DAB1: variants seen among roughly 807,000 people sequenced by gnomAD.
DAB1 encodes the protein DAB adaptor protein 1.
A neutral mutation model predicts 64.6 loss-of-function variants in DAB1; 15 were observed. The observed-to-expected ratio is 0.23, with a 90% CI of 0.16 to 0.36. The LOEUF (loss-of-function observed/expected upper bound fraction) is 0.36, where lower values mean the gene tolerates loss of function less well. DAB1 is among the 10% of genes least tolerant of loss of function. The pLI is 1.00. For synonymous variants in DAB1, 235 were observed against 251.9 expected (o/e 0.93, Z 0.64); for missense variants, 596 against 706.7 (o/e 0.84, Z 1.78).
At chr1:58,129,077 C>T (rs1328639812) in intron 5 of DAB1, among the ~76,000 whole-genome samples, 1 of 146,364 alleles carries the variant, frequency 6.8e-6, no homozygotes, top group Non-Finnish European at 1.5e-5. Context: ...GCTGTGAATC[C>T]ATCTGGTCCT....
intron 3 of DAB1, among the ~76,000 whole-genome samples, chr1:58,495,971 T>G (rs1048539908): frequency 1.3e-5 from 2 of 152,176 alleles, no homozygotes; most frequent in African/African-American, 4.8e-5. Context: ...ATATCTAAGC[T>G]TGTCATTTCA....
intron 4 of DAB1, among the ~76,000 whole-genome samples, chr1:58,204,274 A>G (rs1278629399): frequency 6.6e-6 from 1 of 152,238 alleles, no homozygotes; most frequent in Non-Finnish European, 1.5e-5. Context: ...AGGTTGGCAC[A>G]AAGAACTGTC....
At chr1:57,526,503 G>T (rs550245061) in intron 7 of DAB1, among the ~76,000 whole-genome samples, 5 of 152,176 alleles carry the variant, frequency 3.3e-5, no homozygotes, top group East Asian at 1.9e-4. Context: ...AATTTATTTC[G>T]ATGTAATTTC....
intron 5 of DAB1, among the ~76,000 whole-genome samples, chr1:57,991,870 G>GGAGTAGGCCA (rs1646347431): frequency 2.7e-5 from 1 of 36,648 alleles, no homozygotes; most frequent in Non-Finnish European, 6.5e-5. Flanking sequence ...AAAAAAAAAA[G>GGAGTAGGCCA]GAGTAGGCCA....
chr1:57,165,146 C>A (rs1661104693), intron 2 of DAB1, among the ~76,000 whole-genome samples: 1 of 152,124 alleles, frequency 6.6e-6, no homozygotes, highest in South Asian at 2.1e-4. Context: ...TTTTGTAGTT[C>A]ATTCCCCAAC....
At chr1:58,164,704 T>C (rs1177225475) in intron 4 of DAB1, among the ~76,000 whole-genome samples, 1 of 152,138 alleles carries the variant, frequency 6.6e-6, no homozygotes, top group Non-Finnish European at 1.5e-5. Flanking sequence ...GGCTGCAGCC[T>C]TAGGCCTGGA....
At chr1:57,387,821 C>CAAAAAAAA (rs55950458) in intron 1 of DAB1, among the ~76,000 whole-genome samples, 16 of 104,276 alleles carry the variant, frequency 1.5e-4, no homozygotes, top group African/African-American at 2.5e-4. Context: ...GACTCAGCCT[C>CAAAAAAAA]AAAAAAAAAA....
At chr1:57,068,368 T>C (rs779964071) in intron 8 of DAB1, among the ~76,000 whole-genome samples, 6 of 152,116 alleles carry the variant, frequency 3.9e-5, no homozygotes, top group Non-Finnish European at 8.8e-5. Context: ...GGAGAGAAAA[T>C]ATTATTCAAC....
chr1:58,180,694 G>T (rs1412126884), intron 4 of DAB1, among the ~76,000 whole-genome samples: 1 of 152,056 alleles, frequency 6.6e-6, no homozygotes, highest in African/African-American at 2.4e-5. Flanking sequence ...TTCTTGTTCA[G>T]TATATTTCCT....
intron 5 of DAB1, among the ~76,000 whole-genome samples, chr1:57,970,424 C>A (rs1455159847): frequency 6.6e-6 from 1 of 152,102 alleles, no homozygotes; most frequent in East Asian, 1.9e-4. Flanking sequence ...GGAATAGCAA[C>A]ATGGAGAAAA....
rs187996687 is a variant in DAB1 at position 57,263,742 on chromosome 1, T to A, written c.67+27222A>T. On this transcript the variant is annotated intron_variant, in intron 2 of 14. Transcript: ENST00000371236. ...AAAGGAATAGAGGCTAGACTGGATGTCATTTAGTCGGAGCCAGTTTTGTGC... is the reference window on the plus strand; with the variant it reads ...AAAGGAATAGAGGCTAGACTGGATGACATTTAGTCGGAGCCAGTTTTGTGC... 3.7e-4 allele frequency among the ~76,000 whole-genome samples: 56 copies of A among 152,348 alleles called. No individual in the cohort carries two copies. In the East Asian group the frequency reaches 8.3e-3, roughly 23 times the overall value.
At chr1:57,498,142 T>C (rs1167589275) in intron 7 of DAB1, among the ~76,000 whole-genome samples, 2 of 152,218 alleles carry the variant, frequency 1.3e-5, no homozygotes, top group Admixed American at 6.5e-5. Context: ...TGCAGAGAGA[T>C]GGAGAATCCT....
chr1:58,396,036 T>C (rs1452906907), intron 3 of DAB1, among the ~76,000 whole-genome samples: 1 of 151,288 alleles, frequency 6.6e-6, no homozygotes, highest in East Asian at 2.0e-4. Context: ...CCACAACCTA[T>C]GCTGGCTACA....
chr1:57,718,021 A>G (rs2101754170), intron 6 of DAB1, among the ~76,000 whole-genome samples: 1 of 152,264 alleles, frequency 6.6e-6, no homozygotes, highest in African/African-American at 2.4e-5. Flanking sequence ...AGGAAGAACA[A>G]GTTCTGGTAG....
intron 7 of DAB1, among the ~76,000 whole-genome samples, chr1:57,585,164 G>A (rs1224971257): frequency 4.1e-5 from 6 of 144,714 alleles, no homozygotes; most frequent in East Asian, 2.2e-4. Context: ...CAGGAGAATC[G>A]CTCGAACCTG....
chr1:57,568,432 G>A (rs992181688), intron 7 of DAB1, among the ~76,000 whole-genome samples: 7 of 152,098 alleles, frequency 4.6e-5, no homozygotes, highest in Admixed American at 2.0e-4. Flanking sequence ...AAATGGGATC[G>A]AATTAAACTA....
intron 6 of DAB1, among the ~76,000 whole-genome samples, chr1:57,692,447 C>T (rs1039987862): frequency 4.0e-5 from 6 of 149,750 alleles, no homozygotes; most frequent in Non-Finnish European, 7.4e-5. Context: ...GGAGACAGAA[C>T]GAGGAAGAGA....
chr1:57,502,189 G>T (rs1290050696), intron 7 of DAB1, among the ~76,000 whole-genome samples: 1 of 151,802 alleles, frequency 6.6e-6, no homozygotes, highest in Non-Finnish European at 1.5e-5. Context: ...GTGTGGTGGC[G>T]GGCGCCTGCA....
intron 3 of DAB1, among the ~76,000 whole-genome samples, chr1:58,461,286 C>T (rs796104428): frequency 2.0e-5 from 3 of 152,028 alleles, no homozygotes; most frequent in Non-Finnish European, 4.4e-5. Flanking sequence ...TACATTGGTA[C>T]TAGAAGCTCA....
Sources: gnomAD v4.1 joint callset for allele counts (sites outside exome capture counted in the v4.1 genomes callset) on GRCh38, gnomAD v4.1.1 for gene constraint, MANE v1.5 for transcripts, NCBI Gene and HGNC (gene_info 2026-07-23, HGNC 2026-07-21) for gene names.